Variants in NRXN3 observed in about 807,000 individuals in gnomAD.
NRXN3 encodes the protein neurexin 3.
Under a neutral mutation model 137.6 loss-of-function variants are expected in NRXN3, and 32 were observed. That is an observed-to-expected ratio of 0.23 (90% CI 0.18 to 0.31). The LOEUF is 0.31. NRXN3 is among the 10% of genes least tolerant of loss of function. The probability of loss-of-function intolerance (pLI) is 1.00; values close to 1 mark genes in which losing one functional copy is unlikely to be tolerated. For synonymous variants in NRXN3, 798 were observed against 784.5 expected (o/e 1.02, Z -0.29); for missense variants, 1,574 against 2,062.5 (o/e 0.76, Z 4.59).
At chr14:78,626,844 G>A (rs2097464085) in intron 4 of NRXN3, among the ~76,000 whole-genome samples, 1 of 152,224 alleles carries the variant, frequency 6.6e-6, no homozygotes, top group Non-Finnish European at 1.5e-5. Flanking sequence ...TGCCCGTCAG[G>A]GCTCACAGAG....
Position 78,943,616 on chromosome 14 carries a change from AAAAAAATATATATATATATATAT to A in NRXN3, c.2276-13624_2276-13602del, listed in dbSNP as rs1364620870. On this transcript the variant is annotated intron_variant, in intron 10 of 20. Coordinates refer to ENST00000335750, the MANE Select transcript of NRXN3 (RefSeq NM_001330195.2). Reference sequence around the variant, plus strand: ...AAAGAAGCAAGATCACTGTTAAAAAAAAAAAATATATATATATATATATATATATATATATATATATATATATA... The same window carrying A: ...AAAGAAGCAAGATCACTGTTAAAAAAATATATATATATATATATATATATA... 2.7e-4 allele frequency among the ~76,000 whole-genome samples: 11 copies of A among 41,020 alleles called. 1 individual carries two copies. The highest frequency in any genetic ancestry group is 3.9e-4 in the Non-Finnish European group (9 of 23,306). The allele number at this position is 41,020 out of a possible 152,430, so 26.9% of individuals were successfully genotyped here.
At chr14:78,982,391 C>A (rs1166616399) in intron 14 of NRXN3, among the ~76,000 whole-genome samples, 1 of 151,980 alleles carries the variant, frequency 6.6e-6, no homozygotes, top group East Asian at 1.9e-4. Flanking sequence ...GGCTTACGGT[C>A]CAGTAGGATT....
chr14:79,647,916 A>G (rs1567768447), intron 16 of NRXN3, among the ~76,000 whole-genome samples: 2 of 135,518 alleles, frequency 1.5e-5, no homozygotes, highest in Non-Finnish European at 3.4e-5. Flanking sequence ...AATATTGTCA[A>G]AAACATATAG....
At chr14:79,616,526 G>C (rs983368316) in intron 16 of NRXN3, among the ~76,000 whole-genome samples, 3 of 152,108 alleles carry the variant, frequency 2.0e-5, no homozygotes, top group Admixed American at 1.3e-4. Flanking sequence ...AATGGAATAA[G>C]GCAAGAGAGG....
chr14:79,607,541 T>C (rs1366652388), intron 16 of NRXN3, among the ~76,000 whole-genome samples: 2 of 152,186 alleles, frequency 1.3e-5, no homozygotes, highest in Non-Finnish European at 2.9e-5. Flanking sequence ...CTTTCTTTGT[T>C]TTCCCCCTAA....
intron 15 of NRXN3, among the ~76,000 whole-genome samples, chr14:79,214,402 C>T (rs2068169270): frequency 6.6e-6 from 1 of 152,140 alleles, no homozygotes; most frequent in Admixed American, 6.6e-5. Flanking sequence ...AAGAAATATG[C>T]TGCAAGCCAG....
At chr14:79,731,964 T>C (rs2098925313) in intron 19 of NRXN3, among the ~76,000 whole-genome samples, 1 of 152,092 alleles carries the variant, frequency 6.6e-6, no homozygotes. Context: ...ATTTTGGCAG[T>C]GGTTGAATAG....
intron 10 of NRXN3, among the ~76,000 whole-genome samples, chr14:78,868,144 C>A (rs1008538667): frequency 1.3e-5 from 2 of 151,394 alleles, no homozygotes; most frequent in African/African-American, 4.9e-5. Context: ...GGAGCCTTAT[C>A]CAGGAACCTT....
At chr14:78,729,956 A>G (rs951277418) in intron 8 of NRXN3, among the ~76,000 whole-genome samples, 13 of 152,186 alleles carry the variant, frequency 8.5e-5, no homozygotes, top group African/African-American at 3.1e-4. Flanking sequence ...TTATCTGACA[A>G]ATTTGAAGGA....
intron 16 of NRXN3, among the ~76,000 whole-genome samples, chr14:79,497,022 C>G (rs542091154): frequency 6.6e-6 from 1 of 152,350 alleles, no homozygotes; most frequent in East Asian, 1.9e-4. Flanking sequence ...GGGGAGCCAA[C>G]AGGCCTGGAA....
At chr14:78,866,532 T>C (rs2099087146) in intron 10 of NRXN3, among the ~76,000 whole-genome samples, 1 of 152,150 alleles carries the variant, frequency 6.6e-6, no homozygotes, top group Admixed American at 6.6e-5. Context: ...TTTTTAGCAC[T>C]TGTTGGGGAA....
chr14:79,244,348 T>C lies in NRXN3; in HGVS notation c.3263-222873T>C, dbSNP rs28597892. Among the ~76,000 whole-genome samples the C allele has an allele frequency of 1.7e-3, 262 of 152,286 alleles. 1 individual carries two copies. The highest frequency in any genetic ancestry group is 6.0e-3 in the African/African-American group (250 of 41,556). On this transcript the variant is annotated intron_variant, in intron 15 of 20. Coordinates refer to ENST00000335750, the MANE Select transcript of NRXN3 (RefSeq NM_001330195.2). ...CTGCCGATTTGTGCTTTTCAGAAGATGAGCATTTTCTTTTACATTCTGGAC... is the reference window on the plus strand; with the variant it reads ...CTGCCGATTTGTGCTTTTCAGAAGACGAGCATTTTCTTTTACATTCTGGAC...
intron 4 of NRXN3, among the ~76,000 whole-genome samples, chr14:78,302,391 G>A (rs1397310905): frequency 6.6e-6 from 1 of 152,096 alleles, no homozygotes; most frequent in Non-Finnish European, 1.5e-5. Flanking sequence ...TGAGGTAGGT[G>A]GTGGCATTAT....
At chr14:78,932,403 G>A (rs867115482) in intron 10 of NRXN3, among the ~76,000 whole-genome samples, 4 of 152,298 alleles carry the variant, frequency 2.6e-5, no homozygotes, top group Middle Eastern at 3.4e-3. Flanking sequence ...TTGAGTACCT[G>A]TTGACAGGTG....
chr14:78,817,092 C>T (rs902202873), intron 10 of NRXN3, among the ~76,000 whole-genome samples: 2 of 152,150 alleles, frequency 1.3e-5, no homozygotes, highest in African/African-American at 4.8e-5. Flanking sequence ...TTATCTCCTA[C>T]ATTATTATTG....
chr14:78,329,114 C>A (rs1470653789), intron 4 of NRXN3, among the ~76,000 whole-genome samples: 3 of 152,132 alleles, frequency 2.0e-5, no homozygotes, highest in Non-Finnish European at 4.4e-5. Context: ...TTGTCTACAG[C>A]ATGTTAAAAT....
chr14:79,200,577 T>C (rs560856717), intron 15 of NRXN3, among the ~76,000 whole-genome samples: 25 of 152,174 alleles, frequency 1.6e-4, no homozygotes, highest in African/African-American at 5.5e-4. Context: ...CTTACAGTCA[T>C]CACTTTGTCC....
chr14:78,363,622 C>G (rs2085464926), intron 4 of NRXN3, among the ~76,000 whole-genome samples: 1 of 152,194 alleles, frequency 6.6e-6, no homozygotes, highest in Admixed American at 6.5e-5. Flanking sequence ...CAGTGCTCCA[C>G]TCAGGTCTTT....
chr14:79,371,949 G>A (rs1375296599), intron 15 of NRXN3, among the ~76,000 whole-genome samples: 1 of 152,100 alleles, frequency 6.6e-6, no homozygotes, highest in African/African-American at 2.4e-5. Flanking sequence ...ATAAGTAAAT[G>A]TCAACCAAAA....
Sources: gnomAD v4.1 joint callset for allele counts (sites outside exome capture counted in the v4.1 genomes callset) on GRCh38, gnomAD v4.1.1 for gene constraint, MANE v1.5 for transcripts, NCBI Gene and HGNC (gene_info 2026-07-23, HGNC 2026-07-21) for gene names.